Variants in MARCHF8 observed in about 807,000 individuals in gnomAD.
MARCHF8 encodes the protein membrane associated ring-CH-type finger 8, also known as E3 ubiquitin-protein ligase MARCHF8.
In MARCHF8, 40 loss-of-function variants were observed where a neutral mutation model predicts 51.6. The observed-to-expected ratio is 0.77, with a 90% CI of 0.60 to 1.01. MARCHF8 has a LOEUF of 1.01. MARCHF8 is among the 50% of genes least tolerant of loss of function. The pLI, the probability that MARCHF8 is intolerant of heterozygous loss-of-function variation, is 0.00. For missense variants in MARCHF8, 685 were observed against 708.6 expected (o/e 0.97, Z 0.38); for synonymous variants, 263 against 280.3 (o/e 0.94, Z 0.62).
intron 3 of MARCHF8, among the ~76,000 whole-genome samples, chr10:45,488,259 T>C (rs536669874): frequency 6.6e-6 from 1 of 152,222 alleles, no homozygotes; most frequent in African/African-American, 2.4e-5. Flanking sequence ...GTAAGCAGAT[T>C]TCAGGCGGCC....
chr10:45,576,985 A>AG (rs961480548), intron 1 of MARCHF8, among the ~76,000 whole-genome samples: 20 of 139,728 alleles, frequency 1.4e-4, no homozygotes, highest in South Asian at 7.6e-4. Context: ...AAAAAAAAAA[A>AG]AAAAAGAAAC....
At chr10:45,480,179 T>C (rs1419092265) in intron 3 of MARCHF8, among the ~76,000 whole-genome samples, 2 of 152,064 alleles carry the variant, frequency 1.3e-5, no homozygotes, top group South Asian at 4.2e-4. Context: ...GAGGAAAAAA[T>C]TTCTAAGCAC....
chr10:45,503,971 G>A (rs577466687), intron 2 of MARCHF8, among the ~76,000 whole-genome samples: 7 of 152,344 alleles, frequency 4.6e-5, no homozygotes, highest in African/African-American at 1.7e-4. Context: ...GGATTGTGGG[G>A]ATGGGAGAAT....
At chr10:45,468,660 C>T (rs1003786131) in intron 3 of MARCHF8, among the ~76,000 whole-genome samples, 1 of 152,148 alleles carries the variant, frequency 6.6e-6, no homozygotes, top group African/African-American at 2.4e-5. Context: ...ATGTTTACAA[C>T]TCATCACAAA....
At chr10:45,569,315 T>C (rs950257499) in intron 1 of MARCHF8, among the ~76,000 whole-genome samples, 2 of 152,104 alleles carry the variant, frequency 1.3e-5, no homozygotes, top group African/African-American at 4.8e-5. Flanking sequence ...CATAAAGAGA[T>C]GTTAAATTTC....
At chr10:45,575,146 A>T (rs1457541076) in intron 1 of MARCHF8, among the ~76,000 whole-genome samples, 1 of 152,170 alleles carries the variant, frequency 6.6e-6, no homozygotes, top group Non-Finnish European at 1.5e-5. Context: ...TAAGGTAGCT[A>T]AAAAAGCAGC....
intron 3 of MARCHF8, among the ~76,000 whole-genome samples, chr10:45,470,672 T>C (rs1487048327): frequency 2.6e-5 from 4 of 152,190 alleles, no homozygotes; most frequent in Non-Finnish European, 5.9e-5. Context: ...TTATTTGTGC[T>C]TCCTGCTCAT....
chr10:45,535,584 G>A (rs138976918), upstream of MARCHF8, among the ~76,000 whole-genome samples: 171 of 152,246 alleles, frequency 1.1e-3, no homozygotes, highest in African/African-American at 3.9e-3. Flanking sequence ...AGACCTATAA[G>A]TTTGCCTGAA....
intron 2 of MARCHF8, among the ~76,000 whole-genome samples, chr10:45,512,600 TG>T (rs1190047192): frequency 2.4e-5 from 3 of 125,352 alleles, no homozygotes; most frequent in South Asian, 2.7e-4. Context: ...GGGAGGGAGG[TG>T]GGGGGGTCAG....
chr10:45,532,822 G>A (rs2043909292), intron 2 of MARCHF8, among the ~76,000 whole-genome samples: 1 of 152,214 alleles, frequency 6.6e-6, no homozygotes, highest in Non-Finnish European at 1.5e-5. Flanking sequence ...GCAGCATCAT[G>A]TTCTGAGAAT....
rs1156878511 is a variant in MARCHF8, at chr10:45,533,104, C to T, written c.102+6G>A. 1.3e-6 allele frequency: 2 copies of T among 1,597,598 alleles called. No individual in the cohort carries two copies. Among genetic ancestry groups the T allele is most frequent in the Admixed American group, 1.8e-5 (1 of 56,230 alleles). On this transcript the variant is annotated splice_donor_region_variant and intron_variant, in intron 2 of 7. Transcript: ENST00000453424. The stretch of plus-strand genomic sequence containing the variant: ...AATGAAACTAAAAAAGATACTCTCC[C>T]AGTACCTGTTCTTCCCTCTCCTTTT...
intron 3 of MARCHF8, among the ~76,000 whole-genome samples, chr10:45,484,226 C>G (rs2042940529): frequency 6.6e-6 from 1 of 152,144 alleles, no homozygotes; most frequent in Non-Finnish European, 1.5e-5. Flanking sequence ...ATTTCAGATA[C>G]TACACAATGA....
chr10:45,507,804 C>T (rs942793695), intron 2 of MARCHF8, among the ~76,000 whole-genome samples: 3 of 140,394 alleles, frequency 2.1e-5, no homozygotes, highest in African/African-American at 8.0e-5. Context: ...AAAGTTAGCT[C>T]AGTTTTGAAA....
chr10:45,544,418 A>G (rs1258505299), intron 1 of MARCHF8, among the ~76,000 whole-genome samples: 2 of 152,236 alleles, frequency 1.3e-5, no homozygotes, highest in East Asian at 1.9e-4. Flanking sequence ...AGACACATAC[A>G]TGAATGTGCA....
At chr10:45,498,359 G>A (rs548280350) in intron 2 of MARCHF8, among the ~76,000 whole-genome samples, 1 of 152,096 alleles carries the variant, frequency 6.6e-6, no homozygotes, top group East Asian at 1.9e-4. Context: ...CTGTTTCTAT[G>A]ATTCTGACTA....
chr10:45,522,137 A>C (rs1273412793), intron 2 of MARCHF8, among the ~76,000 whole-genome samples: 1 of 152,218 alleles, frequency 6.6e-6, no homozygotes, highest in Non-Finnish European at 1.5e-5. Flanking sequence ...TTCAAGGTTC[A>C]AATTTCCCCC....
At chr10:45,542,510 C>T (rs147350874) in intron 1 of MARCHF8, among the ~76,000 whole-genome samples, 8 of 151,970 alleles carry the variant, frequency 5.3e-5, no homozygotes, top group Non-Finnish European at 1.0e-4. Flanking sequence ...GATCTTACTC[C>T]AAGCCTCGAT....
chr10:45,572,964 G>C (rs756266648), intron 1 of MARCHF8, among the ~76,000 whole-genome samples: 5 of 151,744 alleles, frequency 3.3e-5, no homozygotes, highest in Non-Finnish European at 5.9e-5. Context: ...TTACAGTTTC[G>C]TTCTGCGACT....
intron 3 of MARCHF8, among the ~76,000 whole-genome samples, chr10:45,482,921 G>A (rs2042914085): frequency 6.6e-6 from 1 of 152,152 alleles, no homozygotes; most frequent in Admixed American, 6.5e-5. Context: ...ATGGTGCTGG[G>A]AAAATGAGAG....
Sources: allele counts gnomAD v4.1 joint callset (sites outside exome capture counted in the v4.1 genomes callset), GRCh38; gene constraint gnomAD v4.1.1; transcripts MANE v1.5; gene names NCBI Gene and HGNC (gene_info 2026-07-23, HGNC 2026-07-21).